Variants in NGDN observed in about 807,000 individuals in gnomAD.
NGDN encodes neuroguidin.
A neutral mutation model predicts 45.2 loss-of-function variants in NGDN; 41 were observed. The observed-to-expected ratio is 0.91, with a 90% CI of 0.71 to 1.18. The LOEUF (loss-of-function observed/expected upper bound fraction) is 1.18, where lower values mean the gene tolerates loss of function less well. Ranked by LOEUF, NGDN falls within the 50% of genes most tolerant of loss-of-function variation. NGDN has a pLI of 0.00. For missense variants in NGDN, 402 were observed against 399.9 expected (o/e 1.01, Z -0.05); for synonymous variants, 137 against 130.9 (o/e 1.05, Z -0.32).
At chr14:23,475,332 A>G (rs1366668564) in intron 4 of NGDN, 24 bp downstream of exon 4, 1 of 1,594,232 alleles carries the variant, frequency 6.3e-7, no homozygotes, top group Non-Finnish European at 8.5e-7. Flanking sequence ...GGCTTCTTGG[A>G]GTTTTAGGTT....
chr14:23,474,780 G>A (rs1365876840), intron 3 of NGDN, among the ~76,000 whole-genome samples: 3 of 152,178 alleles, frequency 2.0e-5, no homozygotes, highest in Non-Finnish European at 4.4e-5. Context: ...GATTGTTAGA[G>A]CTTGGAGGGG....
At chr14:23,477,696 G>GA in intron 10 of NGDN, 136 bp downstream of exon 10, 1 of 1,482,290 alleles carries the variant, frequency 6.7e-7, no homozygotes, top group Non-Finnish European at 8.9e-7. Context: ...TCCTTAGGTG[G>GA]GCTTTTATTT....
chr14:23,470,508 A>C (rs1009484517), intron 2 of NGDN, among the ~76,000 whole-genome samples: 1 of 152,244 alleles, frequency 6.6e-6, no homozygotes, highest in African/African-American at 2.4e-5. Context: ...GCCCAGCATC[A>C]CGAGAAAAGG....
At chr14:23,478,804 C>CAAAAAAAAAAAAAA (rs3045743), downstream of NGDN, 2 of 33,964 alleles carry the variant, frequency 5.9e-5, no homozygotes, top group Middle Eastern at 0.033. Context: ...AAAGAGCTGG[C>CAAAAAAAAAAAAAA]AAAAAAAAAA....
chr14:23,477,865 G>T (rs972455702), intron 10 of NGDN, 142 bp from the exon 11 acceptor site: 2 of 1,540,986 alleles, frequency 1.3e-6, no homozygotes. Flanking sequence ...CCTACTTCTC[G>T]TCTTTTGTCC....
At chr14:23,471,839 A>G (rs944704144) in intron 3 of NGDN, among the ~76,000 whole-genome samples, 6 of 152,238 alleles carry the variant, frequency 3.9e-5, no homozygotes, top group Non-Finnish European at 4.4e-5. Flanking sequence ...CTTATGACAT[A>G]ATACCAAGAT....
chr14:23,470,919 C>G lies in NGDN; in HGVS notation c.86C>G (p.Thr29Ser). The G allele has an allele frequency of 6.4e-7, 1 of 1,572,516 alleles. No homozygotes were observed. Among genetic ancestry groups the G allele is most frequent in the Non-Finnish European group, 8.6e-7 (1 of 1,164,014 alleles). ...KNLQEQVMAV[T>S]AQVKSLTQKV... The stretch of plus-strand genomic sequence containing the variant: ...GGCTAATTTCAGGTGATGGCTGTAA[C>G]TGCACAAGTGAAATCACTGACACAA... Residue 29 changes from threonine to serine, a missense_variant, in exon 3 of 11, where the codon ACT becomes AGT. Thr to Ser is a moderately conservative substitution (Grantham distance 58). Coordinates refer to ENST00000408901, the MANE Select transcript of NGDN (RefSeq NM_001042635.2).
intron 8 of NGDN, 31 bp downstream of exon 8, chr14:23,476,438 G>T (rs764840861): frequency 1.3e-6 from 2 of 1,579,128 alleles, no homozygotes; most frequent in African/African-American, 1.3e-5. Flanking sequence ...AATTATTCCT[G>T]CACTCTAGAG....
At position 23,477,375 on chromosome 14, in the gene NGDN, T is replaced by G; in HGVS notation, c.870+19T>G. 1 of 1,613,804 alleles carries G rather than the reference T, an allele frequency of 6.2e-7. No individual in the cohort carries two copies. Among genetic ancestry groups the G allele is most frequent in the Non-Finnish European group, 8.5e-7 (1 of 1,179,682 alleles). On this transcript the variant is annotated intron_variant, in intron 9 of 10. Transcript: ENST00000408901. ...TGATGAGGTGAGGTTGAGATATGGT[T>G]GTAGTAGGATGTGACTTTCATGCTT...
At chr14:23,477,410 T>G in intron 9 of NGDN, 54 bp downstream of exon 9, 1 of 1,612,444 alleles carries the variant, frequency 6.2e-7, no homozygotes, top group Non-Finnish European at 8.5e-7. Flanking sequence ...TTCAGCAAAA[T>G]GTATGTGGGG....
chr14:23,475,147 T>C, intron 3 of NGDN, 24 bp from the exon 4 acceptor site: 1 of 1,592,884 alleles, frequency 6.3e-7, no homozygotes. Flanking sequence ...AAATCTGTTT[T>C]TCTTTCTGTT....
intron 3 of NGDN, chr14:23,471,320 G>A: frequency 4.4e-6 from 1 of 225,364 alleles, no homozygotes; most frequent in Non-Finnish European, 8.6e-6. Context: ...AGGCACAAAG[G>A]CCTGAAAGTA....
At chr14:23,469,759 C>G (rs752824042) in intron 1 of NGDN, 32 bp downstream of exon 1, 2 of 1,613,904 alleles carry the variant, frequency 1.2e-6, no homozygotes, top group Admixed American at 1.7e-5. Context: ...CCTCGCGTAG[C>G]TATTGTGGAG....
Position 23,476,289 on chromosome 14 carries a change from C to T in NGDN, c.595C>T (p.Arg199Trp), listed in dbSNP as rs142475495. 321 of 1,614,092 alleles carry T rather than the reference C, an allele frequency of 2.0e-4. No homozygotes were observed. The highest frequency in any genetic ancestry group is 2.3e-4 in the Non-Finnish European group (276 of 1,180,024). The change falls in exon 8 of 11, where the codon CGG (arginine) becomes TGG (tryptophan). Residue 199 changes from arginine (R) to tryptophan (W), a missense_variant. By Grantham distance (101) the Arg-to-Trp change is moderately radical (BLOSUM62 -3). Transcript: ENST00000408901. The part of the protein sequence containing the change: ...EKKRLERAKR[R>W]ALSSSVIREL... ...GAAGCGTCTAGAACGAGCCAAGAGA[C>T]GGGCATTGAGCAGCTCTGTCATTCG...
chr14:23,477,925 T>C, intron 10 of NGDN, 82 bp from the exon 11 acceptor site: 1 of 1,613,548 alleles, frequency 6.2e-7, no homozygotes, highest in Non-Finnish European at 8.5e-7. Flanking sequence ...CTGTGAGCCC[T>C]TCCCTCTAGA....
Position 23,475,292 on chromosome 14 carries a change from T to G in NGDN, c.266T>G (p.Leu89Arg). 6.2e-7 allele frequency: 1 copy of G among 1,612,640 alleles called. No individual in the cohort carries two copies. The highest frequency in any genetic ancestry group is 1.3e-5 in the African/African-American group (1 of 74,964). ...SLQGHDAVLR[L>R]VEIRTVLEKL... is the part of the protein sequence containing the mutation. ...CAGGGACATGATGCAGTTTTGAGAC[T>G]GGTGGAGATTCGCACGGTATGAAGC... Residue 89 changes from leucine (L) to arginine (R), a missense_variant, in exon 4 of 11, where the codon CTG becomes CGG. By Grantham distance (102) the Leu-to-Arg change is moderately radical. Coordinates refer to ENST00000408901, the MANE Select transcript of NGDN (RefSeq NM_001042635.2).
intron 4 of NGDN, 67 bp from the exon 5 acceptor site, chr14:23,475,491 A>G: frequency 4.7e-6 from 7 of 1,501,720 alleles, no homozygotes; most frequent in Non-Finnish European, 6.5e-6. Flanking sequence ...GCACCTTAAT[A>G]TAGGGACTCT....
Position 23,476,393 on chromosome 14 carries a change from G to A in NGDN, c.699G>A (p.Gln233=). ...ATCCCCATGTTACCCGCCAGAGTCA[G>A]GAGGACCAACACAGGTCTGAGCCCT... ...ARHPHVTRQS[Q]EDQHRINYEE... The change falls in exon 8 of 11, where the codon CAG becomes CAA. Residue 233 remains glutamine, a synonymous_variant. Coordinates refer to ENST00000408901, the MANE Select transcript of NGDN (RefSeq NM_001042635.2). The A allele has an allele frequency of 6.2e-7, 1 of 1,611,730 alleles. No individual in the cohort carries two copies. The highest frequency in any genetic ancestry group is 1.3e-5 in the African/African-American group (1 of 74,974).
chr14:23,477,069 A>G (rs147785975), intron 8 of NGDN, 131 bp from the exon 9 acceptor site: 12 of 744,252 alleles, frequency 1.6e-5, no homozygotes, highest in African/African-American at 7.0e-5. Flanking sequence ...ACTAAATACT[A>G]TGTTGATCTG....
Sources: gnomAD v4.1 joint callset for allele counts (sites outside exome capture counted in the v4.1 genomes callset) on GRCh38, gnomAD v4.1.1 for gene constraint, MANE v1.5 for transcripts, NCBI Gene and HGNC (gene_info 2026-07-23, HGNC 2026-07-21) for gene names.